MUC7: variants seen among roughly 807,000 people sequenced by gnomAD.
MUC7 encodes the protein mucin-7.
Under a neutral mutation model 2.5 loss-of-function variants are expected in MUC7, and 2 were observed. The ratio of observed to expected loss-of-function variants is 0.81; its 90% CI spans 0.33 to 2.55. The LOEUF is 2.55. Ranked by LOEUF, MUC7 falls within the 30% of genes most tolerant of loss-of-function variation. MUC7 has a pLI of 0.11. For synonymous variants in MUC7, 133 were observed against 173.4 expected, an observed-to-expected ratio of 0.77 and a Z score of 1.83; for missense variants, 408 against 455.6, an observed-to-expected ratio of 0.90 and a Z score of 0.95.
intron 1 of MUC7, among the ~76,000 whole-genome samples, chr4:70,465,775 G>A (rs1162038066): frequency 1.3e-5 from 2 of 152,160 alleles, no homozygotes; most frequent in African/African-American, 4.8e-5. Flanking sequence ...CGCTTGATTG[G>A]TGTACATGAA....
At chr4:70,463,853 G>A (rs147687513) in intron 1 of MUC7, among the ~76,000 whole-genome samples, 1 of 152,202 alleles carries the variant, frequency 6.6e-6, no homozygotes, top group African/African-American at 2.4e-5. Flanking sequence ...GCCAGATCTT[G>A]ATCTTGGACT....
chr4:70,463,500 T>A (rs2109729348), intron 1 of MUC7, among the ~76,000 whole-genome samples: 1 of 152,240 alleles, frequency 6.6e-6, no homozygotes, highest in Non-Finnish European at 1.5e-5. Context: ...GGTGTAGAAG[T>A]GAAAGTATAG....
intron 2 of MUC7, among the ~76,000 whole-genome samples, chr4:70,476,642 C>A (rs138634949): frequency 2.0e-5 from 3 of 152,228 alleles, no homozygotes; most frequent in Admixed American, 1.3e-4. Flanking sequence ...CAAAAATTAG[C>A]TGGGCGTGGT....
Position 70,481,911 on chromosome 4 carries a change from A to G in MUC7, c.*33A>G. ...TATGTTGTAAAGTGTTCTGTCATTT[A>G]CAAGATGTGATTCATGAGTGCAGAA... On this transcript the variant is annotated 3_prime_UTR_variant, in exon 3 of 3. Transcript: ENST00000304887. 1 of 1,591,994 alleles carries G rather than the reference A, an allele frequency of 6.3e-7. No individual in the cohort carries two copies. Among genetic ancestry groups the G allele is most frequent in the Non-Finnish European group, 8.6e-7 (1 of 1,169,112 alleles).
At position 70,481,010 on chromosome 4, in the gene MUC7, A is replaced by G; in HGVS notation, c.266A>G (p.Gln89Arg). Reference sequence around the variant, plus strand: ...CCCCCCAAATTCCCAAATCCTCACCAGCCACCTAAACATCCAGATAAAAAT... The same window carrying G: ...CCCCCCAAATTCCCAAATCCTCACCGGCCACCTAAACATCCAGATAAAAAT... ...NNPPKFPNPH[Q>R]PPKHPDKNSS... The change falls in exon 3 of 3, where the codon CAG (glutamine) becomes CGG (arginine). Residue 89 changes from glutamine (Q) to arginine (R), a missense_variant. Around this residue, in one of 3 missense-constraint regions of MUC7, gnomAD observed 225 missense variants for 240.5 expected, o/e 0.94. Coordinates refer to ENST00000304887, the MANE Select transcript of MUC7 (RefSeq NM_152291.3). 1 of 1,614,060 alleles carries G rather than the reference A, an allele frequency of 6.2e-7. No homozygotes were observed. Among genetic ancestry groups the G allele is most frequent in the Non-Finnish European group, 8.5e-7 (1 of 1,179,986 alleles).
chr4:70,470,118 G>T (rs1734794575), upstream of MUC7, among the ~76,000 whole-genome samples: 1 of 152,208 alleles, frequency 6.6e-6, no homozygotes, highest in South Asian at 2.1e-4. Flanking sequence ...GGACATGGAT[G>T]AAGCTGGAAA....
rs756174464 is a variant in MUC7 at position 70,481,875 on chromosome 4, A to G, written c.1131A>G (p.Gln377=). ...GAATTATTGACGACATGGTGGAGCA[A>G]TAGTATATTGTATGTTGTAAAGTGT... ...LNRIIDDMVE[Q] Residue 377 remains glutamine, a synonymous_variant, in exon 3 of 3, where the codon CAA becomes CAG. Coordinates refer to ENST00000304887, the MANE Select transcript of MUC7 (RefSeq NM_152291.3). 16 of 1,613,202 alleles carry G rather than the reference A, an allele frequency of 9.9e-6. No homozygotes were observed. In the African/African-American group the frequency reaches 2.0e-4, roughly 20 times the overall value.
rs186398475 is a variant in MUC7 at position 70,451,758 on chromosome 4, G to A, written c.-92-20457G>A. Among the ~76,000 whole-genome samples the A allele has an allele frequency of 4.3e-3, 654 of 152,208 alleles. 7 individuals carry two copies. Among genetic ancestry groups the A allele is most frequent in the African/African-American group, 0.015 (630 of 41,536 alleles). On this transcript the variant is annotated intron_variant, in intron 1 of 3. Coordinates refer to the MUC7 transcript ENST00000413702. ...CTTCAGCCACTGAATTAAATATTCT[G>A]TAAATATGTATTAGGTCTATTTGTT...
intron 1 of MUC7, among the ~76,000 whole-genome samples, chr4:70,448,961 A>T (rs1734212018): frequency 6.6e-6 from 1 of 152,150 alleles, no homozygotes; most frequent in African/African-American, 2.4e-5. Context: ...ATGTCCAGGA[A>T]TAGGGGTCTA....
At chr4:70,444,455 A>C (rs1000170760) in intron 1 of MUC7, among the ~76,000 whole-genome samples, 2 of 151,950 alleles carry the variant, frequency 1.3e-5, no homozygotes. Flanking sequence ...AACTATCACA[A>C]CACCTTCCCC....
chr4:70,451,423 T>C (rs1734277375), intron 1 of MUC7, among the ~76,000 whole-genome samples: 1 of 152,178 alleles, frequency 6.6e-6, no homozygotes, highest in East Asian at 1.9e-4. Flanking sequence ...GCTTGCCTGA[T>C]TTTCGGTTCT....
At chr4:70,475,892 T>G (rs1033666436) in intron 2 of MUC7, among the ~76,000 whole-genome samples, 3 of 152,166 alleles carry the variant, frequency 2.0e-5, no homozygotes, top group African/African-American at 7.2e-5. Context: ...TATTTCTCAC[T>G]TACCTTATAA....
chr4:70,444,344 A>G (rs1368669677), intron 1 of MUC7, among the ~76,000 whole-genome samples: 1 of 152,190 alleles, frequency 6.6e-6, no homozygotes, highest in East Asian at 1.9e-4. Flanking sequence ...ATCTGTGGAA[A>G]AGGCCACAAC....
At chr4:70,473,187 A>T (rs146061652) in intron 1 of MUC7, among the ~76,000 whole-genome samples, 20 of 152,098 alleles carry the variant, frequency 1.3e-4, no homozygotes, top group Non-Finnish European at 2.8e-4. Flanking sequence ...GTAATCCCAG[A>T]ATTTTGGGAG....
At chr4:70,431,161 A>T (rs1392349697) in intron 1 of MUC7, among the ~76,000 whole-genome samples, 1 of 152,158 alleles carries the variant, frequency 6.6e-6, no homozygotes, top group Admixed American at 6.6e-5. Flanking sequence ...AGGGGGAAAA[A>T]CAGCTTTGCC....
intron 1 of MUC7, among the ~76,000 whole-genome samples, chr4:70,450,957 G>A (rs1018054591): frequency 4.6e-5 from 7 of 151,168 alleles, no homozygotes; most frequent in Non-Finnish European, 7.4e-5. Flanking sequence ...CCCAGCTGGT[G>A]TTTCAGTATG....
intron 1 of MUC7, among the ~76,000 whole-genome samples, chr4:70,458,423 T>A (rs1371971686): frequency 6.6e-6 from 1 of 152,126 alleles, no homozygotes; most frequent in Non-Finnish European, 1.5e-5. Context: ...TCATGGGTGT[T>A]CACTTATTAT....
At chr4:70,477,175 C>T (rs1033501104) in intron 2 of MUC7, among the ~76,000 whole-genome samples, 21 of 151,914 alleles carry the variant, frequency 1.4e-4, no homozygotes, top group African/African-American at 4.4e-4. Flanking sequence ...TTTCAGAGGC[C>T]GCGGCGGGAA....
intron 1 of MUC7, among the ~76,000 whole-genome samples, chr4:70,451,579 C>A (rs1395070842): frequency 3.9e-5 from 6 of 151,992 alleles, no homozygotes; most frequent in Non-Finnish European, 8.8e-5. Flanking sequence ...TCCAAAATTA[C>A]TCTTATTATT....
Sources: gnomAD v4.1 joint callset for allele counts (sites outside exome capture counted in the v4.1 genomes callset) on GRCh38, gnomAD v4.1.1 for gene constraint, gnomAD v4.1.1 regional missense constraint, MANE v1.5 for transcripts, NCBI Gene and HGNC (gene_info 2026-07-23, HGNC 2026-07-21) for gene names.